Variants in RANBP2 observed in about 807,000 individuals in gnomAD.
RANBP2 encodes the protein E3 SUMO-protein ligase RanBP2.
A neutral mutation model predicts 303.6 loss-of-function variants in RANBP2; 57 were observed. The observed-to-expected ratio is 0.19, with a 90% CI of 0.15 to 0.23. The LOEUF is 0.23. RANBP2 is among the 10% of genes least tolerant of loss of function. The pLI is 1.00. For synonymous variants in RANBP2, 1,167 were observed against 1,301.5 expected, an observed-to-expected ratio of 0.90 and a Z score of 2.23; for missense variants, 3,138 against 3,780.8, an observed-to-expected ratio of 0.83 and a Z score of 4.46.
downstream of RANBP2, among the ~76,000 whole-genome samples, chr2:108,786,312 T>A (rs1678700881): frequency 6.6e-6 from 1 of 150,378 alleles, no homozygotes; most frequent in African/African-American, 2.5e-5. Flanking sequence ...CCAAGATAGA[T>A]GTAACTCTCA....
chr2:109,600,990 T>C, the RANBP2 span, among the ~76,000 whole-genome samples: 2 of 152,144 alleles, frequency 1.3e-5, no homozygotes, highest in South Asian at 4.2e-4. Flanking sequence ...TCTGTCCCCA[T>C]GGAGGAGGGT....
chr2:108,772,627 C>G (rs778594808), intron 22 of RANBP2, 46 bp downstream of exon 22: 27 of 1,536,354 alleles, frequency 1.8e-5, no homozygotes, highest in Non-Finnish European at 2.4e-5. Context: ...AACAAGTCTT[C>G]TATTTAGAAG....
chr2:109,371,600 G>A, the RANBP2 span: 14 of 1,613,842 alleles, frequency 8.7e-6, no homozygotes, highest in East Asian at 4.5e-5. Context: ...AGATTCTGAC[G>A]GTGCTCAGGA....
chr2:109,412,362 T>C, the RANBP2 span, among the ~76,000 whole-genome samples: 1 of 152,216 alleles, frequency 6.6e-6, no homozygotes, highest in Non-Finnish European at 1.5e-5. Flanking sequence ...ACCCTCCCAG[T>C]GTGGCCCCAG....
chr2:109,485,388 C>A, the RANBP2 span, among the ~76,000 whole-genome samples: 1 of 152,174 alleles, frequency 6.6e-6, no homozygotes, highest in Non-Finnish European at 1.5e-5. Flanking sequence ...AAATTGTATT[C>A]CCTTTGGCTC....
the RANBP2 span, among the ~76,000 whole-genome samples, chr2:109,644,184 G>A: frequency 6.6e-6 from 1 of 151,254 alleles, no homozygotes; most frequent in Non-Finnish European, 1.5e-5. Flanking sequence ...GTGCACGCCT[G>A]TAGTCCCAGC....
the RANBP2 span, among the ~76,000 whole-genome samples, chr2:108,998,191 T>C: frequency 6.6e-6 from 1 of 152,188 alleles, no homozygotes; most frequent in Non-Finnish European, 1.5e-5. Flanking sequence ...TTTAATGCCA[T>C]GCAACAAGAC....
the RANBP2 span, among the ~76,000 whole-genome samples, chr2:109,059,790 G>A: frequency 6.6e-6 from 1 of 151,842 alleles, no homozygotes; most frequent in South Asian, 2.1e-4. Context: ...CTGGGATGCA[G>A]TCAGGCCCCA....
chr2:109,607,986 T>A, the RANBP2 span, among the ~76,000 whole-genome samples: 1 of 152,232 alleles, frequency 6.6e-6, no homozygotes, highest in Admixed American at 6.5e-5. Flanking sequence ...AAGTTCAATG[T>A]CTGTTTCTGA....
the RANBP2 span, among the ~76,000 whole-genome samples, chr2:109,288,441 T>G: frequency 1.3e-5 from 2 of 152,164 alleles, no homozygotes; most frequent in Non-Finnish European, 2.9e-5. Context: ...TAAAACCCGA[T>G]AAAGCCAGAA....
the RANBP2 span, among the ~76,000 whole-genome samples, chr2:109,282,389 C>G: frequency 1.3e-5 from 2 of 152,082 alleles, no homozygotes; most frequent in African/African-American, 4.8e-5. Context: ...GCTGAGATAC[C>G]AAAACATGGG....
chr2:109,269,480 G>T, the RANBP2 span, among the ~76,000 whole-genome samples: 1 of 152,178 alleles, frequency 6.6e-6, no homozygotes, highest in African/African-American at 2.4e-5. Context: ...ACCAGGTAGT[G>T]CTTAAAAGAT....
chr2:109,684,252 T>TTTTTTTTTTG, the RANBP2 span, among the ~76,000 whole-genome samples: 5 of 141,486 alleles, frequency 3.5e-5, no homozygotes, highest in Non-Finnish European at 7.7e-5. Context: ...TTACTTTTTT[T>TTTTTTTTTTG]TTTTTTTGAG....
At chr2:109,256,444 A>C in the RANBP2 span, among the ~76,000 whole-genome samples, 2 of 151,974 alleles carry the variant, frequency 1.3e-5, no homozygotes, top group African/African-American at 4.9e-5. Context: ...CCATTGACTG[A>C]AACAGGGAGA....
chr2:109,397,067 C>T, the RANBP2 span, among the ~76,000 whole-genome samples: 1 of 152,156 alleles, frequency 6.6e-6, no homozygotes, highest in African/African-American at 2.4e-5. Context: ...CTCTGTGGTG[C>T]CCTACAGCAC....
At chr2:109,176,802 C>T in the RANBP2 span, among the ~76,000 whole-genome samples, 1 of 152,208 alleles carries the variant, frequency 6.6e-6, no homozygotes, top group African/African-American at 2.4e-5. Flanking sequence ...AAGTTAGGCT[C>T]AGCCGTGAAC....
At chr2:109,624,987 AG>A in the RANBP2 span, among the ~76,000 whole-genome samples, 1 of 150,424 alleles carries the variant, frequency 6.6e-6, no homozygotes, top group Non-Finnish European at 1.5e-5. Context: ...AAGCTGAGGC[AG>A]GAGAATTGCT....
intron 20 of RANBP2, among the ~76,000 whole-genome samples, chr2:108,770,266 G>C (rs538901584): frequency 6.6e-6 from 1 of 152,298 alleles, no homozygotes; most frequent in Admixed American, 6.5e-5. Context: ...TACCCAAGGT[G>C]TCTTTACTGA....
chr2:109,233,533 A>G, the RANBP2 span, among the ~76,000 whole-genome samples: 15 of 152,176 alleles, frequency 9.9e-5, no homozygotes, highest in Non-Finnish European at 2.2e-4. Context: ...TGGTTTTGGA[A>G]AAAGCAACAT....
Sources: allele counts gnomAD v4.1 joint callset (sites outside exome capture counted in the v4.1 genomes callset), GRCh38; gene constraint gnomAD v4.1.1; transcripts MANE v1.5; gene names NCBI Gene and HGNC (gene_info 2026-07-23, HGNC 2026-07-21).